Variants in EDAR observed in about 807,000 individuals in gnomAD.
The protein encoded by EDAR is tumor necrosis factor receptor superfamily member EDAR.
In EDAR, 38 loss-of-function variants were observed where a neutral mutation model predicts 51.3. That is an observed-to-expected ratio of 0.74 (90% CI 0.57 to 0.97). The LOEUF is 0.97. Ranked by LOEUF, EDAR falls within the 50% of genes least tolerant of loss-of-function variation. The pLI, the probability that EDAR is intolerant of heterozygous loss-of-function variation, is 0.00. For synonymous variants in EDAR, 227 were observed against 242.1 expected (o/e 0.94, Z 0.58); for missense variants, 528 against 595.0 (o/e 0.89, Z 1.17).
At chr2:108,964,519 A>G (rs939812596) in intron 1 of EDAR, among the ~76,000 whole-genome samples, 1 of 152,162 alleles carries the variant, frequency 6.6e-6, no homozygotes, top group Non-Finnish European at 1.5e-5. Flanking sequence ...GGGGAAAAAA[A>G]CCCCAACAAA....
rs781382867 is a variant in EDAR, at chr2:108,896,944, A to G, written c.1310T>C (p.Val437Ala). 6.2e-7 allele frequency: 1 copy of G among 1,612,920 alleles called. No homozygotes were observed. Among genetic ancestry groups the G allele is most frequent in the South Asian group, 1.1e-5 (1 of 90,814 alleles). The change falls in exon 12 of 12, where the codon GTT (valine) becomes GCT (alanine). Residue 437 changes from valine to alanine, a missense_variant. Val to Ala is a moderately conservative substitution (Grantham distance 64). Transcript: ENST00000258443. Reference sequence around the variant, plus strand: ...ATGTGGCTGGGAGGCAGGTGGCACAACCCCCGCCCACTCCAGTATGTCTGC... The same window carrying G: ...ATGTGGCTGGGAGGCAGGTGGCACAGCCCCCGCCCACTCCAGTATGTCTGC... Reference protein sequence around the residue: ...LCADILEWAGVVPPASQPHAA... With the variant: ...LCADILEWAGAVPPASQPHAA...
rs1354659877 is a variant in EDAR, at chr2:108,895,367, A to G, written c.*1540T>C. 1.3e-5 allele frequency: 2 copies of G among 152,744 alleles called. No individual in the cohort carries two copies. Among genetic ancestry groups the G allele is most frequent in the East Asian group, 1.9e-4 (1 of 5,184 alleles). The allele number at this position is 152,744 out of a possible 1,614,324, so 9.5% of individuals were successfully genotyped here. On this transcript the variant is annotated 3_prime_UTR_variant, in exon 12 of 12. Transcript: ENST00000258443. ...ATGTAGTAATAAACACAGACCTGCC[A>G]TCAGGGAGTTCAGCAGTGAACTCTA... is the stretch of plus-strand genomic sequence containing the variant.
At chr2:108,917,214 C>T (rs964088289) in intron 5 of EDAR, among the ~76,000 whole-genome samples, 6 of 152,120 alleles carry the variant, frequency 3.9e-5, no homozygotes, top group Admixed American at 2.0e-4. Context: ...ATAAAAGCAA[C>T]GCGCGGCTCG....
chr2:108,986,979 A>G (rs1698509917), intron 1 of EDAR, among the ~76,000 whole-genome samples: 1 of 152,182 alleles, frequency 6.6e-6, no homozygotes, highest in Non-Finnish European at 1.5e-5. Flanking sequence ...CTCAAACAGC[A>G]TCAAAGGAAC....
intron 4 of EDAR, among the ~76,000 whole-genome samples, chr2:108,928,623 T>C (rs1697303198): frequency 6.6e-6 from 1 of 152,160 alleles, no homozygotes; most frequent in Non-Finnish European, 1.5e-5. Flanking sequence ...TGGCTCAGGA[T>C]TTTCTGGGGA....
At position 108,896,936 on chromosome 2, in the gene EDAR, G is replaced by A. The variant is rs746416669; in HGVS notation, c.1318C>T (p.Pro440Ser). 1 of 1,613,100 alleles carries A rather than the reference G, an allele frequency of 6.2e-7. No homozygotes were observed. Among genetic ancestry groups the A allele is most frequent in the Non-Finnish European group, 8.5e-7 (1 of 1,179,676 alleles). ...DILEWAGVVP[P>S]ASQPHAAS is the part of the protein sequence containing the mutation. The stretch of plus-strand genomic sequence containing the variant: ...GATGCAGCATGTGGCTGGGAGGCAG[G>A]TGGCACAACCCCCGCCCACTCCAGT... Residue 440 changes from proline (P) to serine (S), a missense_variant, in exon 12 of 12, where the codon CCT (proline) becomes TCT (serine). Physicochemically the swap from Pro to Ser is moderately conservative, Grantham distance 74. Transcript: ENST00000258443.
At chr2:108,956,255 A>T (rs1402094997) in intron 1 of EDAR, among the ~76,000 whole-genome samples, 3 of 152,224 alleles carry the variant, frequency 2.0e-5, no homozygotes, top group Non-Finnish European at 4.4e-5. Flanking sequence ...GTTGCAATGA[A>T]CATCTTTGTG....
chr2:108,900,629 T>A (rs981379947), intron 11 of EDAR, among the ~76,000 whole-genome samples: 3 of 148,788 alleles, frequency 2.0e-5, no homozygotes, highest in African/African-American at 7.5e-5. Flanking sequence ...CTTGGTAGAG[T>A]AGACTTAAAA....
At chr2:108,946,138 C>A (rs1697710676) in intron 1 of EDAR, among the ~76,000 whole-genome samples, 1 of 152,190 alleles carries the variant, frequency 6.6e-6, no homozygotes, top group African/African-American at 2.4e-5. Context: ...GTCGTCCACA[C>A]CCTGTGAGAT....
At chr2:108,908,530 G>T (rs546383107) in intron 9 of EDAR, among the ~76,000 whole-genome samples, 86 of 152,202 alleles carry the variant, frequency 5.7e-4, no homozygotes, top group South Asian at 1.2e-3. Flanking sequence ...TTGACTAGGG[G>T]GGTGACCTGG....
At chr2:108,973,563 G>A (rs1698271627) in intron 1 of EDAR, among the ~76,000 whole-genome samples, 1 of 152,180 alleles carries the variant, frequency 6.6e-6, no homozygotes, top group Non-Finnish European at 1.5e-5. Flanking sequence ...GCCTGTGAGT[G>A]TGGCTCCTGG....
chr2:108,989,102 G>T lies in EDAR; in HGVS notation c.-161C>A, dbSNP rs1169031024. Reference sequence around the variant, plus strand: ...AGAAGCAGGTACTCTATGTCCTTAGGGGCCAGCAGGGCTGCCTGGGACCTG... The same window carrying T: ...AGAAGCAGGTACTCTATGTCCTTAGTGGCCAGCAGGGCTGCCTGGGACCTG... On this transcript the variant is annotated 5_prime_UTR_variant, in exon 1 of 12. Transcript: ENST00000258443. 1 of 152,632 alleles carries T rather than the reference G, an allele frequency of 6.6e-6. No homozygotes were observed. Among genetic ancestry groups the T allele is most frequent in the East Asian group, 1.9e-4 (1 of 5,174 alleles). The allele number at this position is 152,632 out of a possible 1,614,324, so 9.5% of individuals were successfully genotyped here.
intron 9 of EDAR, among the ~76,000 whole-genome samples, chr2:108,909,979 G>A (rs769979493): frequency 5.3e-5 from 8 of 152,228 alleles, no homozygotes; most frequent in Non-Finnish European, 1.2e-4. Context: ...CTCCTGGGCT[G>A]TGGAGGGAGG....
At chr2:108,979,448 G>C (rs1574791) in intron 1 of EDAR, among the ~76,000 whole-genome samples, 31 of 140,314 alleles carry the variant, frequency 2.2e-4, no homozygotes, top group Middle Eastern at 3.6e-3. Flanking sequence ...CTCTCTCTCT[G>C]TCTCTGTCTC....
rs1351516109 is a variant in EDAR, at chr2:108,941,502, C to T, written c.-18-10470G>A. 1.5e-4 allele frequency among the ~76,000 whole-genome samples: 23 copies of T among 152,152 alleles called. 1 individual carries two copies. The highest frequency in any genetic ancestry group is 1.4e-3 in the Admixed American group (21 of 15,274). The stretch of plus-strand genomic sequence containing the variant: ...CTGTTCCCTTTGAGGGGCTTCCTGG[C>T]GACCCTTCCTGACCAGCTGGCAGCT... On this transcript the variant is annotated intron_variant, in intron 1 of 11. Transcript: ENST00000258443.
At chr2:108,979,629 G>A (rs149098470) in intron 1 of EDAR, among the ~76,000 whole-genome samples, 122 of 152,236 alleles carry the variant, frequency 8.0e-4, no homozygotes, top group African/African-American at 2.7e-3. Context: ...CTGTGGAGAA[G>A]AGAAGCCCCT....
intron 1 of EDAR, among the ~76,000 whole-genome samples, chr2:108,948,530 C>T (rs1697758702): frequency 6.6e-6 from 1 of 152,186 alleles, no homozygotes; most frequent in Non-Finnish European, 1.5e-5. Flanking sequence ...AATTGATTCA[C>T]AGTTCTGAAT....
At chr2:108,911,186 AC>A in intron 6 of EDAR, 114 bp from the exon 7 acceptor site, 1 of 1,328,488 alleles carries the variant, frequency 7.5e-7, no homozygotes, top group Non-Finnish European at 1.1e-6. Context: ...CTTTCAGGGA[AC>A]CCTGAAATCT....
rs531958797 is a variant in EDAR at position 108,906,479 on chromosome 2, G to A, written c.964-111C>T. ...AGCAGCTACGCCCAACACCAGAGAC[G>A]CTGCACACAGCCCCCGTGTCAGCAG... On this transcript the variant is annotated intron_variant, in intron 10 of 11. Coordinates refer to ENST00000258443, the MANE Select transcript of EDAR (RefSeq NM_022336.4). 2.6e-4 allele frequency: 275 copies of A among 1,071,290 alleles called. 1 individual carries two copies. The highest frequency in any genetic ancestry group is 3.7e-4 in the Non-Finnish European group (262 of 702,040). The allele number at this position is 1,071,290 out of a possible 1,614,324, so 66.4% of individuals were successfully genotyped here. A position where few individuals can be genotyped will look rare whatever the true frequency, so the allele number is the denominator to read the frequency against.
Sources: gnomAD v4.1 joint callset for allele counts (sites outside exome capture counted in the v4.1 genomes callset) on GRCh38, gnomAD v4.1.1 for gene constraint, MANE v1.5 for transcripts, NCBI Gene and HGNC (gene_info 2026-07-23, HGNC 2026-07-21) for gene names.